ROBO1: variants seen among roughly 807,000 people sequenced by gnomAD.
The protein encoded by ROBO1 is roundabout homolog 1.
ROBO1 carries 149 observed loss-of-function variants against 195.9 expected under a neutral mutation model. That is an observed-to-expected ratio of 0.76 (90% CI 0.67 to 0.87). The LOEUF (loss-of-function observed/expected upper bound fraction) is 0.87, where lower values mean the gene tolerates loss of function less well. Among genes scored for constraint, ROBO1 ranks in the 40% least tolerant of loss-of-function variants. The pLI is 0.00. For missense variants in ROBO1, 1,933 were observed against 2,068.3 expected, an observed-to-expected ratio of 0.93 and a Z score of 1.27; for synonymous variants, 816 against 733.2, an observed-to-expected ratio of 1.11 and a Z score of -1.82.
At chr3:78,899,903 T>C (rs2037481722) in intron 4 of ROBO1, among the ~76,000 whole-genome samples, 1 of 152,160 alleles carries the variant, frequency 6.6e-6, no homozygotes, top group Non-Finnish European at 1.5e-5. Flanking sequence ...TGCAGATAAT[T>C]AGGAACCGTA....
chr3:79,698,715 A>G (rs2107139922), intron 1 of ROBO1, among the ~76,000 whole-genome samples: 1 of 151,668 alleles, frequency 6.6e-6, no homozygotes, highest in South Asian at 2.1e-4. Context: ...ACCACCATTA[A>G]TAGAGAGAAA....
chr3:79,208,173 C>T (rs1328691106), intron 2 of ROBO1, among the ~76,000 whole-genome samples: 1 of 152,128 alleles, frequency 6.6e-6, no homozygotes, highest in African/African-American at 2.4e-5. Context: ...TGCCATCTCT[C>T]AGCCTTCTCT....
chr3:78,636,147 C>G, intron 22 of ROBO1, 39 bp from the exon 23 acceptor site: 2 of 1,424,184 alleles, frequency 1.4e-6, no homozygotes, highest in South Asian at 1.3e-5. Context: ...AATCATTCTG[C>G]GTGGTTATTC....
intron 2 of ROBO1, among the ~76,000 whole-genome samples, chr3:79,465,860 T>C (rs1229541839): frequency 6.6e-6 from 1 of 152,146 alleles, no homozygotes; most frequent in Non-Finnish European, 1.5e-5. Context: ...GTTTATCTTT[T>C]TACTCTTTCA....
At chr3:78,901,478 T>A (rs939811639) in intron 4 of ROBO1, among the ~76,000 whole-genome samples, 1 of 152,232 alleles carries the variant, frequency 6.6e-6, no homozygotes, top group African/African-American at 2.4e-5. Flanking sequence ...AGGAGCAATG[T>A]ACAATATTAA....
chr3:78,917,099 GTTT>G (rs756798186), intron 4 of ROBO1, among the ~76,000 whole-genome samples: 1 of 127,340 alleles, frequency 7.9e-6, no homozygotes, highest in Non-Finnish European at 1.6e-5. Flanking sequence ...TTTGTTTTTC[GTTT>G]TTTTTTTTTT....
At chr3:79,730,590 GTA>G (rs1024476694) in intron 1 of ROBO1, among the ~76,000 whole-genome samples, 2 of 152,070 alleles carry the variant, frequency 1.3e-5, no homozygotes, top group Non-Finnish European at 2.9e-5. Context: ...TAATAGGTAA[GTA>G]TATTTCATTT....
chr3:78,764,997 G>T (rs1355327011), intron 4 of ROBO1, among the ~76,000 whole-genome samples: 1 of 152,024 alleles, frequency 6.6e-6, no homozygotes, highest in East Asian at 1.9e-4. Context: ...GATTCAAATC[G>T]TAGCAACTCA....
At chr3:79,709,636 C>T (rs1701335915) in intron 1 of ROBO1, among the ~76,000 whole-genome samples, 1 of 151,396 alleles carries the variant, frequency 6.6e-6, no homozygotes, top group South Asian at 2.1e-4. Context: ...ACACTAGATA[C>T]TGGATGTCAC....
At chr3:79,760,528 T>C (rs1321350163) in intron 1 of ROBO1, among the ~76,000 whole-genome samples, 2 of 139,130 alleles carry the variant, frequency 1.4e-5, no homozygotes, top group Admixed American at 1.4e-4. Context: ...ATCCAGGATA[T>C]ATAAAGAATT....
In ROBO1 at chr3:78,799,513, T is replaced by C. The variant is rs540233858; in HGVS notation, c.500-52613A>G. Among the ~76,000 whole-genome samples the C allele has an allele frequency of 6.6e-5, 10 of 152,226 alleles. No homozygotes were observed. In the South Asian group the frequency reaches 2.1e-3, roughly 32 times the overall value. ...CCCACCACCATGCCCGGCTAATTTT[T>C]TGTATTTTTAGTAGAGACGGGGTTT... is the stretch of plus-strand genomic sequence containing the variant. On this transcript the variant is annotated intron_variant, in intron 4 of 30. Transcript: ENST00000464233.
chr3:78,759,526 G>A lies in ROBO1; in HGVS notation c.500-12626C>T, dbSNP rs1399342617. ...TTAAGTGCATCCAATAAGCTATAAA[G>A]ACCACCATGATTTGAGGCCCCCTCT... On this transcript the variant is annotated intron_variant, in intron 4 of 30. Coordinates refer to ENST00000464233, the MANE Select transcript of ROBO1 (RefSeq NM_002941.4). Among the ~76,000 whole-genome samples, 27 of 152,032 alleles carry A rather than the reference G, an allele frequency of 1.8e-4. 1 individual carries two copies. The highest frequency in any genetic ancestry group is 1.7e-3 in the Admixed American group (26 of 15,276).
At chr3:79,688,821 TA>T in intron 1 of ROBO1, among the ~76,000 whole-genome samples, 1 of 152,146 alleles carries the variant, frequency 6.6e-6, no homozygotes, top group South Asian at 2.1e-4. Flanking sequence ...TCTAACTTCT[TA>T]TATTTTGCAT....
At chr3:79,397,050 C>G (rs1251748924) in intron 2 of ROBO1, among the ~76,000 whole-genome samples, 1 of 151,742 alleles carries the variant, frequency 6.6e-6, no homozygotes, top group Non-Finnish European at 1.5e-5. Flanking sequence ...TGAAAATATT[C>G]CCTGGATACT....
chr3:79,600,641 G>A (rs1003465982), intron 1 of ROBO1, among the ~76,000 whole-genome samples: 15 of 106,672 alleles, frequency 1.4e-4, no homozygotes, highest in Admixed American at 3.4e-4. Flanking sequence ...GAAAAAGAAC[G>A]CCTGCTGATT....
chr3:79,557,744 ATATATATAT>A (rs1559991040), intron 2 of ROBO1, among the ~76,000 whole-genome samples: 28 of 102,750 alleles, frequency 2.7e-4, no homozygotes, highest in African/African-American at 1.4e-3. Flanking sequence ...ACAAAAAAAA[ATATATATAT>A]ATATATATAT....
intron 2 of ROBO1, among the ~76,000 whole-genome samples, chr3:79,399,455 T>C (rs1307238045): frequency 6.6e-6 from 1 of 152,118 alleles, no homozygotes. Flanking sequence ...CTGTGCCCAC[T>C]CTTTGGAACA....
chr3:78,717,946 T>G lies in ROBO1; in HGVS notation c.658-63A>C, dbSNP rs190021231. ...GCTTCAGCTATGTTTACATGACAGATGTCTTCATAAGTGAAGACTGCTTTC... is the reference window on the plus strand; with the variant it reads ...GCTTCAGCTATGTTTACATGACAGAGGTCTTCATAAGTGAAGACTGCTTTC... On this transcript the variant is annotated intron_variant, in intron 5 of 30. Coordinates refer to ENST00000464233, the MANE Select transcript of ROBO1 (RefSeq NM_002941.4). 7 of 1,533,398 alleles carry G rather than the reference T, an allele frequency of 4.6e-6. No homozygotes were observed. In the Admixed American group the frequency reaches 1.1e-4, roughly 23 times the overall value. 95.0% of individuals were successfully genotyped at this position (1,533,398 alleles called of 1,614,324 possible).
chr3:79,192,647 C>G (rs1424324284), intron 2 of ROBO1, among the ~76,000 whole-genome samples: 3 of 151,530 alleles, frequency 2.0e-5, no homozygotes, highest in Non-Finnish European at 4.4e-5. Context: ...TAAGACAAAT[C>G]TTCTCATGTT....
Sources: allele counts gnomAD v4.1 joint callset (sites outside exome capture counted in the v4.1 genomes callset), GRCh38; gene constraint gnomAD v4.1.1; transcripts MANE v1.5; gene names NCBI Gene and HGNC (gene_info 2026-07-23, HGNC 2026-07-21).